The following ZNF469 variants were observed in gnomAD, a reference collection of about 807,000 sequenced individuals.
ZNF469 encodes zinc finger protein 469.
Under a neutral mutation model 1.0 loss-of-function variants are expected in ZNF469, and 1 was observed. That is an observed-to-expected ratio of 1.00 (90% confidence interval 0.35 to 4.73). ZNF469 has a LOEUF of 4.73. Ranked by LOEUF, ZNF469 falls within the 30% of genes most tolerant of loss-of-function variation. ZNF469 has a pLI of 0.16. For missense variants in ZNF469, 6,100 were observed against 5,356.3 expected, an observed-to-expected ratio of 1.14 and a Z score of -4.33; for synonymous variants, 2,703 against 2,363.4, an observed-to-expected ratio of 1.14 and a Z score of -4.17.
In ZNF469 at chr16:88,437,747, C is replaced by T; in HGVS notation, c.10277C>T (p.Thr3426Ile). ...TTCGCCTGCAGCTCCTGCAACTACA[C>T]CTTCGCCAAGAAGGAGCAGTTCGAC... ...KSFACSSCNYTFAKKEQFDRH... is the reference protein window; with the variant it reads ...KSFACSSCNYIFAKKEQFDRH... The change falls in exon 3 of 3, where the codon ACC (threonine) becomes ATC (isoleucine). Residue 3426 changes from threonine to isoleucine, a missense_variant. By Grantham distance (89) the Thr-to-Ile change is moderately conservative (BLOSUM62 -1). Coordinates refer to ENST00000565624, the MANE Select transcript of ZNF469 (RefSeq NM_001367624.2). 1 of 1,549,810 alleles carries T rather than the reference C, an allele frequency of 6.5e-7. No homozygotes were observed. Among genetic ancestry groups the T allele is most frequent in the South Asian group, 1.2e-5 (1 of 84,062 alleles).
Position 88,434,545 on chromosome 16 carries a change from G to A in ZNF469, c.7075G>A (p.Gly2359Arg), listed in dbSNP as rs1419082039. The change falls in exon 3 of 3, where the codon GGG (glycine) becomes AGG (arginine). Residue 2359 changes from glycine (G) to arginine (R), a missense_variant. Physicochemically the swap from Gly to Arg is moderately radical, Grantham distance 125. Transcript: ENST00000565624. Reference sequence around the variant, plus strand: ...TGAGCCTCCCACGCTACAGGGTGCAGGGCCGGACTCCCCCGCCTGCCTGGA... The same window carrying A: ...TGAGCCTCCCACGCTACAGGGTGCAAGGCCGGACTCCCCCGCCTGCCTGGA... ...PTEPPTLQGA[G>R]PDSPACLEGE... 1 of 1,550,368 alleles carries A rather than the reference G, an allele frequency of 6.5e-7. No homozygotes were observed. The highest frequency in any genetic ancestry group is 1.7e-4 in the Middle Eastern group (1 of 5,992).
chr16:88,355,596 T>A, the ZNF469 span, among the ~76,000 whole-genome samples: 1 of 152,156 alleles, frequency 6.6e-6, no homozygotes, highest in Non-Finnish European at 1.5e-5. Context: ...GGTGGTCAGA[T>A]CGGCCTGGCT....
At chr16:88,255,086 C>A in the ZNF469 span, among the ~76,000 whole-genome samples, 29 of 152,280 alleles carry the variant, frequency 1.9e-4, no homozygotes, top group African/African-American at 6.7e-4. Flanking sequence ...ATGGGCTGTG[C>A]TCTCAAATTG....
At chr16:88,221,232 G>A in the ZNF469 span, among the ~76,000 whole-genome samples, 2 of 152,216 alleles carry the variant, frequency 1.3e-5, no homozygotes, top group Admixed American at 6.5e-5. Flanking sequence ...TGGCTGGGCC[G>A]CAGAATGTCA....
At chr16:88,323,619 A>T in the ZNF469 span, among the ~76,000 whole-genome samples, 68 of 152,124 alleles carry the variant, frequency 4.5e-4, no homozygotes, top group African/African-American at 1.5e-3. Context: ...TCCTCTTGGC[A>T]AAGCCAGGAT....
chr16:88,340,842 A>G, the ZNF469 span, among the ~76,000 whole-genome samples: 1 of 152,140 alleles, frequency 6.6e-6, no homozygotes, highest in East Asian at 1.9e-4. Flanking sequence ...AGGCAGAGCC[A>G]CCCTGAGGGA....
the ZNF469 span, among the ~76,000 whole-genome samples, chr16:88,153,923 T>G: frequency 6.6e-6 from 1 of 152,190 alleles, no homozygotes; most frequent in South Asian, 2.1e-4. Context: ...AGGGCCCCAC[T>G]CTCAAAGCCT....
chr16:88,377,677 T>G, the ZNF469 span, among the ~76,000 whole-genome samples: 1 of 151,766 alleles, frequency 6.6e-6, no homozygotes, highest in African/African-American at 2.4e-5. Flanking sequence ...CCCTCCTCTA[T>G]CTCCCTCCTC....
chr16:88,327,669 G>A, the ZNF469 span, among the ~76,000 whole-genome samples: 25 of 151,986 alleles, frequency 1.6e-4, no homozygotes, highest in South Asian at 4.2e-4. Flanking sequence ...CCTCCTCTCC[G>A]CTCCTCCACC....
At position 88,433,884 on chromosome 16, in the gene ZNF469, G is replaced by A. The variant is rs548774131; in HGVS notation, c.6414G>A (p.Ser2138=). 117 of 1,548,436 alleles carry A rather than the reference G, an allele frequency of 7.6e-5. No individual in the cohort carries two copies. In the African/African-American group the frequency reaches 8.3e-4, roughly 11 times the overall value. The change falls in exon 3 of 3, where the codon TCG becomes TCA. Residue 2138 remains serine, a synonymous_variant. Transcript: ENST00000565624. ...TGCCCCGTGAAGACCCACTTACCTC[G>A]CCTTCCAGGGCCCAAGGTGGGCTGG... is the stretch of plus-strand genomic sequence containing the variant. ...GPLPREDPLT[S]PSRAQGGLGG...
chr16:88,241,274 G>C, the ZNF469 span, among the ~76,000 whole-genome samples: 1 of 151,756 alleles, frequency 6.6e-6, no homozygotes, highest in South Asian at 2.1e-4. This position sits in a 1 kb window ranked among gnomAD's most constrained non-coding sequence, Gnocchi z 4.8. Flanking sequence ...CAGGAGAATT[G>C]CTTGAACTCG....
chr16:88,399,843 A>C (rs1532628), intron 1 of ZNF469, among the ~76,000 whole-genome samples: 1 of 152,136 alleles, frequency 6.6e-6, no homozygotes, highest in East Asian at 1.9e-4. Context: ...GACAGCAGCC[A>C]GGACGGCAGC....
chr16:88,426,070 C>T (rs1054637308), intron 2 of ZNF469, among the ~76,000 whole-genome samples: 11 of 152,208 alleles, frequency 7.2e-5, no homozygotes, highest in South Asian at 2.1e-4. Flanking sequence ...GGCTGTAGTG[C>T]GGGAACTCCG....
chr16:88,135,363 G>C, the ZNF469 span, among the ~76,000 whole-genome samples: 10 of 152,234 alleles, frequency 6.6e-5, no homozygotes, highest in Non-Finnish European at 1.5e-4. Flanking sequence ...TCATCTGTTG[G>C]GGAGAATTTG....
the ZNF469 span, among the ~76,000 whole-genome samples, chr16:88,146,177 C>A: frequency 6.6e-6 from 1 of 152,202 alleles, no homozygotes; most frequent in Non-Finnish European, 1.5e-5. Context: ...CATCCATGCA[C>A]CAGCGGCACC....
chr16:88,344,756 G>C, the ZNF469 span, among the ~76,000 whole-genome samples: 1 of 152,358 alleles, frequency 6.6e-6, no homozygotes, highest in Admixed American at 6.5e-5. Flanking sequence ...AAAGTGCCTG[G>C]GTTCCTGGGA....
the ZNF469 span, among the ~76,000 whole-genome samples, chr16:88,130,294 C>T: frequency 4.6e-5 from 7 of 152,066 alleles, no homozygotes; most frequent in East Asian, 1.9e-4. Flanking sequence ...CTGGACAAAC[C>T]GCACGCCGCA....
At chr16:88,199,460 A>C in the ZNF469 span, among the ~76,000 whole-genome samples, 1 of 152,200 alleles carries the variant, frequency 6.6e-6, no homozygotes, top group Non-Finnish European at 1.5e-5. Flanking sequence ...GCGGGAAGGA[A>C]TCCACCTGCC....
the ZNF469 span, among the ~76,000 whole-genome samples, chr16:88,261,905 C>T: frequency 1.3e-5 from 2 of 152,152 alleles, no homozygotes; most frequent in Admixed American, 1.3e-4. The surrounding 1 kb of genome is among the most constrained non-coding windows in gnomAD (Gnocchi z 6.0). Context: ...GAGGCCCCCT[C>T]TCTGAGCCCA....
Sources: gnomAD v4.1 joint callset for allele counts (sites outside exome capture counted in the v4.1 genomes callset) on GRCh38, gnomAD v4.1.1 for gene constraint, Gnocchi (gnomAD v3.1) non-coding constraint, MANE v1.5 for transcripts, NCBI Gene and HGNC (gene_info 2026-07-23, HGNC 2026-07-21) for gene names.